Variants in SLC24A4 observed in about 807,000 individuals in gnomAD.
SLC24A4 encodes the protein sodium/potassium/calcium exchanger 4.
A neutral mutation model predicts 79.0 loss-of-function variants in SLC24A4; 53 were observed. The ratio of observed to expected loss-of-function variants is 0.67; its 90% CI spans 0.54 to 0.84. The LOEUF (loss-of-function observed/expected upper bound fraction) is 0.84, where lower values mean the gene tolerates loss of function less well. Ranked by LOEUF, SLC24A4 falls within the 40% of genes least tolerant of loss-of-function variation. The pLI, the probability that SLC24A4 is intolerant of heterozygous loss-of-function variation, is 0.00. For missense variants in SLC24A4, 731 were observed against 822.0 expected (o/e 0.89, Z 1.35); for synonymous variants, 323 against 323.8 (o/e 1.00, Z 0.03).
At chr14:92,442,045 C>T in intron 4 of SLC24A4, 44 bp from the exon 5 acceptor site, 1 of 1,498,402 alleles carries the variant, frequency 6.7e-7, no homozygotes, top group Non-Finnish European at 9.3e-7. Flanking sequence ...ATGTCCAGTA[C>T]CCCCACGTCA....
chr14:92,484,264 G>A (rs1486848016), intron 13 of SLC24A4: 14 of 985,190 alleles, frequency 1.4e-5, no homozygotes, highest in Non-Finnish European at 1.7e-5. Context: ...CCCTTTGGCC[G>A]GCTCCCTCAC....
At chr14:92,342,444 C>T (rs761396263) in intron 2 of SLC24A4, among the ~76,000 whole-genome samples, 12 of 151,694 alleles carry the variant, frequency 7.9e-5, no homozygotes, top group Middle Eastern at 3.4e-3. Flanking sequence ...AGTGCAATGG[C>T]GCGATCCCAG....
chr14:92,489,927 A>G (rs1035389041), intron 14 of SLC24A4, among the ~76,000 whole-genome samples: 4 of 152,296 alleles, frequency 2.6e-5, no homozygotes, highest in East Asian at 3.9e-4. Flanking sequence ...ATCTTACCGG[A>G]CACTGACAGA....
intron 2 of SLC24A4, among the ~76,000 whole-genome samples, chr14:92,327,099 T>G (rs1885188102): frequency 6.6e-6 from 1 of 152,212 alleles, no homozygotes; most frequent in African/African-American, 2.4e-5. Context: ...TCGTAAGTGG[T>G]GACGCTGGTT....
chr14:92,463,164 C>A (rs918203290), intron 12 of SLC24A4, among the ~76,000 whole-genome samples: 1 of 152,134 alleles, frequency 6.6e-6, no homozygotes, highest in African/African-American at 2.4e-5. Context: ...CGGAAGATTT[C>A]GGGAAGCTTT....
At chr14:92,363,243 G>C (rs1317413772) in intron 2 of SLC24A4, among the ~76,000 whole-genome samples, 5 of 152,192 alleles carry the variant, frequency 3.3e-5, no homozygotes, top group African/African-American at 1.2e-4. Flanking sequence ...AGGACATGAA[G>C]ACCAACCAGG....
chr14:92,362,535 G>A (rs1887594480), intron 2 of SLC24A4, among the ~76,000 whole-genome samples: 1 of 152,188 alleles, frequency 6.6e-6, no homozygotes, highest in African/African-American at 2.4e-5. Context: ...TAATATGTCT[G>A]CTTGGCAGCT....
At chr14:92,352,741 T>C (rs1886963989) in intron 2 of SLC24A4, among the ~76,000 whole-genome samples, 1 of 152,176 alleles carries the variant, frequency 6.6e-6, no homozygotes. Context: ...GGAGGTTTGG[T>C]CCAGCTTAAA....
chr14:92,452,002 G>T (rs1893167457), intron 10 of SLC24A4: 1 of 152,236 alleles, frequency 6.6e-6, no homozygotes, highest in South Asian at 2.1e-4. Context: ...ATTGGTCAGG[G>T]GACACCAGGA....
intron 2 of SLC24A4, among the ~76,000 whole-genome samples, chr14:92,364,654 C>T (rs976367449): frequency 6.6e-6 from 1 of 152,128 alleles, no homozygotes; most frequent in African/African-American, 2.4e-5. Context: ...AGCCTCTGTC[C>T]CTCTGCCTGC....
intron 1 of SLC24A4, among the ~76,000 whole-genome samples, chr14:92,324,678 GCATTCACTTCCCTAACTCAGGAGA>G (rs1440588252): frequency 6.6e-6 from 1 of 152,224 alleles, no homozygotes; most frequent in Non-Finnish European, 1.5e-5. Flanking sequence ...CCTTCAGGAG[GCATTCACTTCCCTAACTCAGGAGA>G]CATTCACTTC....
chr14:92,492,540 G>A (rs972557375), intron 16 of SLC24A4, among the ~76,000 whole-genome samples: 13 of 152,236 alleles, frequency 8.5e-5, no homozygotes, highest in African/African-American at 2.4e-4. Flanking sequence ...CCTCCCCTGC[G>A]CATCTGAGCT....
intron 12 of SLC24A4, among the ~76,000 whole-genome samples, chr14:92,466,840 C>G (rs1007020561): frequency 4.6e-5 from 7 of 152,198 alleles, no homozygotes; most frequent in African/African-American, 1.7e-4. Context: ...GGTACTATCT[C>G]CCATTGTCTA....
At position 92,468,639 on chromosome 14, in the gene SLC24A4, G is replaced by T. The variant is rs376991406; in HGVS notation, c.1255+12031G>T. 7.2e-5 allele frequency among the ~76,000 whole-genome samples: 11 copies of T among 152,302 alleles called. No individual in the cohort carries two copies. In the East Asian group the frequency reaches 1.9e-3, roughly 27 times the overall value. On this transcript the variant is annotated intron_variant, in intron 12 of 16. Coordinates refer to ENST00000532405, the MANE Select transcript of SLC24A4 (RefSeq NM_153646.4). ...CCAATTAGCTTTTGACAAGGGTAAT[G>T]ACAACTCACTAGGGGAAATAATACT...
At chr14:92,345,592 C>T (rs376185840) in intron 2 of SLC24A4, among the ~76,000 whole-genome samples, 3 of 152,264 alleles carry the variant, frequency 2.0e-5, no homozygotes, top group East Asian at 3.9e-4. Context: ...ATCCCAGCTA[C>T]TCAAGAGGCT....
Position 92,323,768 on chromosome 14 carries a change from G to C in SLC24A4, c.-63G>C. On this transcript the variant is annotated 5_prime_UTR_variant, in exon 1 of 17. Coordinates refer to ENST00000532405, the MANE Select transcript of SLC24A4 (RefSeq NM_153646.4). This position sits in a 1 kb window ranked among gnomAD's most constrained non-coding sequence, Gnocchi z 4.9. ...CCAGCCCCAGCGCCGCTCGGCCACT[G>C]ATTGCACTCTGGCCGCTGAAGCTCC... The C allele has an allele frequency of 6.6e-7, 1 of 1,512,214 alleles. No individual in the cohort carries two copies. The highest frequency in any genetic ancestry group is 8.8e-7 in the Non-Finnish European group (1 of 1,134,884). 93.7% of individuals were successfully genotyped at this position (1,512,214 alleles called of 1,614,324 possible).
At chr14:92,349,978 C>T (rs1263752767) in intron 2 of SLC24A4, among the ~76,000 whole-genome samples, 2 of 152,198 alleles carry the variant, frequency 1.3e-5, no homozygotes, top group Non-Finnish European at 2.9e-5. Flanking sequence ...CACCGCCTAC[C>T]TGGCAGATAT....
intron 2 of SLC24A4, among the ~76,000 whole-genome samples, chr14:92,343,645 TTTCCTTCTTTCCTTCC>T (rs1210300619): frequency 7.2e-5 from 4 of 55,226 alleles, no homozygotes; most frequent in African/African-American, 2.2e-4. Context: ...TCTTTCTCTC[TTTCCTTCTTTCCTTCC>T]TTCCTTCCTT....
At chr14:92,397,386 G>C (rs1422963371) in intron 2 of SLC24A4, among the ~76,000 whole-genome samples, 1 of 152,184 alleles carries the variant, frequency 6.6e-6, no homozygotes, top group Non-Finnish European at 1.5e-5. Context: ...TCACAGCCTT[G>C]AGTTATTTGG....
Sources: gnomAD v4.1 joint callset for allele counts (sites outside exome capture counted in the v4.1 genomes callset) on GRCh38, gnomAD v4.1.1 for gene constraint, Gnocchi (gnomAD v3.1) non-coding constraint, MANE v1.5 for transcripts, NCBI Gene and HGNC (gene_info 2026-07-23, HGNC 2026-07-21) for gene names.